The following LRP1B variants were observed in gnomAD, a reference collection of about 807,000 sequenced individuals.
LRP1B encodes the protein low-density lipoprotein receptor-related protein 1B.
Under a neutral mutation model 556.6 loss-of-function variants are expected in LRP1B, and 217 were observed. That is an observed-to-expected ratio of 0.39 (90% CI 0.35 to 0.44). The LOEUF is 0.44. LRP1B is among the 20% of genes least tolerant of loss of function. The probability of loss-of-function intolerance (pLI) is 1.00; values close to 1 mark genes in which losing one functional copy is unlikely to be tolerated. For missense variants in LRP1B, 5,053 were observed against 5,620.8 expected (o/e 0.90, Z 3.23); for synonymous variants, 2,047 against 1,865.8 (o/e 1.10, Z -2.50).
intron 60 of LRP1B, among the ~76,000 whole-genome samples, chr2:140,467,847 G>A (rs1687614531): frequency 6.6e-6 from 1 of 152,118 alleles, no homozygotes; most frequent in Non-Finnish European, 1.5e-5. Flanking sequence ...ACTGCTTATA[G>A]TAAAATGCAA....
intron 60 of LRP1B, among the ~76,000 whole-genome samples, chr2:140,474,671 T>A (rs1687897008): frequency 1.3e-5 from 2 of 151,984 alleles, no homozygotes. Context: ...GTTACTATTT[T>A]GTATGTTAAT....
intron 1 of LRP1B, among the ~76,000 whole-genome samples, chr2:141,887,498 C>A (rs142389399): frequency 1.3e-5 from 2 of 152,232 alleles, no homozygotes; most frequent in East Asian, 3.9e-4. Flanking sequence ...TCATTGTTGA[C>A]AACTACATTT....
chr2:140,825,668 G>A (rs1288319539), intron 31 of LRP1B, among the ~76,000 whole-genome samples: 1 of 152,004 alleles, frequency 6.6e-6, no homozygotes, highest in Admixed American at 6.6e-5. Flanking sequence ...GTATTTTGAT[G>A]AATTTAGATT....
intron 20 of LRP1B, among the ~76,000 whole-genome samples, chr2:140,929,111 A>G (rs1245549136): frequency 6.6e-6 from 1 of 152,158 alleles, no homozygotes; most frequent in African/African-American, 2.4e-5. Flanking sequence ...AGACTTGAGT[A>G]GAAGTAGAAA....
At chr2:142,056,010 G>T (rs1350888461) in intron 1 of LRP1B, among the ~76,000 whole-genome samples, 1 of 152,060 alleles carries the variant, frequency 6.6e-6, no homozygotes, top group African/African-American at 2.4e-5. Flanking sequence ...AATTAGCTGG[G>T]CGTGGTATCG....
rs3060390 is a variant in LRP1B at position 140,623,956 on chromosome 2, GTATA to G, written c.6800-22321_6800-22318del. On this transcript the variant is annotated intron_variant, in intron 41 of 90. Coordinates refer to ENST00000389484, the MANE Select transcript of LRP1B (RefSeq NM_018557.3). The stretch of plus-strand genomic sequence containing the variant: ...AAAATATATATTATATTTTATTTAT[GTATA>G]TATATATATATATAGCTTAGTTGTT... Among the ~76,000 whole-genome samples, 26 of 106,410 alleles carry G rather than the reference GTATA, an allele frequency of 2.4e-4. 1 individual carries two copies. The highest frequency in any genetic ancestry group is 2.2e-3 in the South Asian group (6 of 2,700). 69.8% of individuals were successfully genotyped at this position (106,410 alleles called of 152,430 possible).
chr2:140,455,576 G>C (rs1173271273), intron 62 of LRP1B, among the ~76,000 whole-genome samples: 1 of 152,024 alleles, frequency 6.6e-6, no homozygotes, highest in East Asian at 1.9e-4. Flanking sequence ...ACACATTCTG[G>C]CTCCCTGAAA....
chr2:140,851,816 G>T (rs374298367), intron 27 of LRP1B, 33 bp from the exon 28 acceptor site: 1 of 1,569,248 alleles, frequency 6.4e-7, no homozygotes, highest in African/African-American at 1.4e-5. Context: ...GAACAGTGAA[G>T]AAGGAAGAAT....
In LRP1B at chr2:140,443,770, G is replaced by T. The variant is rs549767233; in HGVS notation, c.10294+560C>A. Among the ~76,000 whole-genome samples the T allele has an allele frequency of 5.3e-5, 8 of 152,214 alleles. No individual in the cohort carries two copies. The East Asian group carries it at 1.5e-3, about 29-fold the overall frequency. On this transcript the variant is annotated intron_variant, in intron 65 of 90. Transcript: ENST00000389484. ...TTGATGGAAGATGGAAATATGAGAT[G>T]AAAAGAAACAAAATATTTTACTATT...
At chr2:140,671,398 G>A (rs963941233) in intron 41 of LRP1B, among the ~76,000 whole-genome samples, 1 of 152,192 alleles carries the variant, frequency 6.6e-6, no homozygotes, top group Admixed American at 6.5e-5. Flanking sequence ...GCGGGCGCCT[G>A]TAGTACCAGC....
chr2:140,405,804 C>T (rs1028047769), intron 66 of LRP1B, among the ~76,000 whole-genome samples: 4 of 152,048 alleles, frequency 2.6e-5, no homozygotes, highest in African/African-American at 4.8e-5. Context: ...TGAAACTACA[C>T]CAAAATATTG....
chr2:141,107,600 C>A (rs531157568), intron 7 of LRP1B, among the ~76,000 whole-genome samples: 26 of 152,014 alleles, frequency 1.7e-4, no homozygotes, highest in Non-Finnish European at 3.2e-4. Context: ...GAGCTGAGAT[C>A]GCGCCACTGC....
intron 66 of LRP1B, among the ~76,000 whole-genome samples, chr2:140,391,158 A>G (rs1257502494): frequency 6.6e-6 from 1 of 152,216 alleles, no homozygotes; most frequent in Non-Finnish European, 1.5e-5. Flanking sequence ...AAATTGGAAT[A>G]TATTCATAAC....
rs2104870367 is a variant in LRP1B, at chr2:140,233,182, C to G, written c.*4G>C. ...TTTATACAGCATATAAAAGATATCA[C>G]TGATTATGCCACTGTCTCTCTTATA... On this transcript the variant is annotated 3_prime_UTR_variant, in exon 91 of 91. Coordinates refer to ENST00000389484, the MANE Select transcript of LRP1B (RefSeq NM_018557.3). 6.3e-7 allele frequency: 1 copy of G among 1,577,736 alleles called. No individual in the cohort carries two copies. The highest frequency in any genetic ancestry group is 1.4e-5 in the African/African-American group (1 of 73,614).
At chr2:140,598,018 G>C (rs1279930936) in intron 43 of LRP1B, among the ~76,000 whole-genome samples, 1 of 152,142 alleles carries the variant, frequency 6.6e-6, no homozygotes, top group Non-Finnish European at 1.5e-5. Flanking sequence ...CAGTCACCAA[G>C]GCAGCTACTC....
chr2:140,754,771 A>T (rs930345322), intron 35 of LRP1B, among the ~76,000 whole-genome samples: 3 of 55,060 alleles, frequency 5.4e-5, no homozygotes, highest in Non-Finnish European at 1.1e-4. Flanking sequence ...AAGAACTAGA[A>T]AAAAAAAAAC....
At chr2:140,506,188 C>A (rs1438697466) in intron 53 of LRP1B, among the ~76,000 whole-genome samples, 1 of 151,954 alleles carries the variant, frequency 6.6e-6, no homozygotes, top group East Asian at 1.9e-4. Context: ...CTTCAAATTT[C>A]AAGTATTTCA....
chr2:140,267,561 C>A (rs1408144575), intron 86 of LRP1B, among the ~76,000 whole-genome samples: 5 of 151,854 alleles, frequency 3.3e-5, no homozygotes, highest in Admixed American at 6.6e-5. Flanking sequence ...AAAGTCTGTA[C>A]AGAAAAATTG....
chr2:141,692,604 G>T (rs1057449491), intron 2 of LRP1B, among the ~76,000 whole-genome samples: 2 of 151,914 alleles, frequency 1.3e-5, no homozygotes, highest in Non-Finnish European at 2.9e-5. Flanking sequence ...AGTTTTCAGA[G>T]TACTCAGGAC....
Sources: allele counts gnomAD v4.1 joint callset (sites outside exome capture counted in the v4.1 genomes callset), GRCh38; gene constraint gnomAD v4.1.1; transcripts MANE v1.5; gene names NCBI Gene and HGNC (gene_info 2026-07-23, HGNC 2026-07-21).